The following IMMP2L variants were observed in gnomAD, a reference collection of about 807,000 sequenced individuals.
The protein encoded by IMMP2L is mitochondrial inner membrane protease subunit 2.
In IMMP2L, 18 loss-of-function variants were observed where a neutral mutation model predicts 19.3. The ratio of observed to expected loss-of-function variants is 0.93; its 90% CI spans 0.64 to 1.38. The LOEUF (loss-of-function observed/expected upper bound fraction) is 1.38, where lower values mean the gene tolerates loss of function less well. IMMP2L is among the 40% of genes most tolerant of loss of function. The pLI is 0.00. For synonymous variants in IMMP2L, 76 were observed against 73.0 expected, an observed-to-expected ratio of 1.04 and a Z score of -0.21; for missense variants, 233 against 218.2, an observed-to-expected ratio of 1.07 and a Z score of -0.43.
intron 5 of IMMP2L, among the ~76,000 whole-genome samples, chr7:110,788,688 G>A (rs988636779): frequency 9.2e-5 from 14 of 151,482 alleles, no homozygotes; most frequent in Admixed American, 2.6e-4. Flanking sequence ...TGCCAAAATC[G>A]AATTAATTTT....
Position 110,858,748 on chromosome 7 carries a change from C to T in IMMP2L, c.408+27845G>A, listed in dbSNP as rs998308444. On this transcript the variant is annotated intron_variant, in intron 5 of 5. Transcript: ENST00000405709. ...AGGTATATCTCCTAATGCTATCCCT[C>T]CCTCCTCCCCCGACCCCACAACAGT... Among the ~76,000 whole-genome samples, 109 of 151,870 alleles carry T rather than the reference C, an allele frequency of 7.2e-4. 1 individual carries two copies. The highest frequency in any genetic ancestry group is 2.6e-3 in the African/African-American group (107 of 41,426).
chr7:111,268,370 T>C (rs1818044163), intron 3 of IMMP2L, among the ~76,000 whole-genome samples: 2 of 151,248 alleles, frequency 1.3e-5, no homozygotes, highest in Non-Finnish European at 2.9e-5. Flanking sequence ...AAACTTCACC[T>C]AGCTCATGGT....
At chr7:111,274,777 C>T (rs1034993003) in intron 3 of IMMP2L, among the ~76,000 whole-genome samples, 8 of 152,200 alleles carry the variant, frequency 5.3e-5, no homozygotes, top group African/African-American at 1.9e-4. Context: ...TTTAAGCAAA[C>T]AGGCACATGT....
intron 4 of IMMP2L, among the ~76,000 whole-genome samples, chr7:110,946,782 G>A (rs188126825): frequency 1.9e-4 from 27 of 144,950 alleles, no homozygotes; most frequent in Non-Finnish European, 3.6e-4. Flanking sequence ...GTGCAGTGGC[G>A]CAATCTCGAC....
intron 3 of IMMP2L, among the ~76,000 whole-genome samples, chr7:111,235,444 C>G (rs1448543167): frequency 6.6e-6 from 1 of 151,362 alleles, no homozygotes; most frequent in East Asian, 1.9e-4. Flanking sequence ...GCATTCCAGC[C>G]TGGGTAACAA....
chr7:111,315,074 C>A (rs1426232945), intron 3 of IMMP2L, among the ~76,000 whole-genome samples: 1 of 152,118 alleles, frequency 6.6e-6, no homozygotes, highest in Non-Finnish European at 1.5e-5. Flanking sequence ...ATTCTCACTT[C>A]TTTTAAGGTG....
At chr7:111,468,874 AC>A (rs1840938658) in intron 3 of IMMP2L, among the ~76,000 whole-genome samples, 1 of 152,118 alleles carries the variant, frequency 6.6e-6, no homozygotes, top group Admixed American at 6.6e-5. Flanking sequence ...TTGACTTGTG[AC>A]TAAATATGAT....
At position 111,454,441 on chromosome 7, in the gene IMMP2L, C is replaced by T. The variant is rs146369542; in HGVS notation, c.239+32797G>A. ...AAATACATTTAATTTTCCATTTCTC[C>T]ATATTTAAGCGATTAACCCCATTAA... On this transcript the variant is annotated intron_variant, in intron 3 of 5. Transcript: ENST00000405709. Among the ~76,000 whole-genome samples, 426 of 151,982 alleles carry T rather than the reference C, an allele frequency of 2.8e-3. 3 individuals are homozygous for T. The highest frequency in any genetic ancestry group is 9.6e-3 in the African/African-American group (399 of 41,494).
rs572669307 is a variant in IMMP2L at position 111,212,830 on chromosome 7, T to C, written c.240-249265A>G. Reference sequence around the variant, plus strand: ...TTTGTGGATTCCATGGGGCTTCTGCTATTTATGTCTGCCCACTGCATTTCC... The same window carrying C: ...TTTGTGGATTCCATGGGGCTTCTGCCATTTATGTCTGCCCACTGCATTTCC... On this transcript the variant is annotated intron_variant, in intron 3 of 5. Coordinates refer to ENST00000405709, the MANE Select transcript of IMMP2L (RefSeq NM_032549.4). Among the ~76,000 whole-genome samples the C allele has an allele frequency of 4.0e-4, 61 of 152,312 alleles. No individual in the cohort carries two copies. In the South Asian group the frequency reaches 0.012, roughly 31 times the overall value.
intron 3 of IMMP2L, chr7:111,124,317 A>T: frequency 6.2e-7 from 1 of 1,613,806 alleles, no homozygotes; most frequent in East Asian, 2.2e-5. Context: ...AAGTGGATGG[A>T]TCTTTTCCAC....
At chr7:110,742,886 CTT>C (rs1797079083) in intron 5 of IMMP2L, among the ~76,000 whole-genome samples, 1 of 152,012 alleles carries the variant, frequency 6.6e-6, no homozygotes, top group Non-Finnish European at 1.5e-5. Context: ...CCTTACAAAC[CTT>C]TCTCTCCCCC....
At chr7:111,362,830 G>A (rs1415334548) in intron 3 of IMMP2L, among the ~76,000 whole-genome samples, 1 of 152,066 alleles carries the variant, frequency 6.6e-6, no homozygotes, top group Non-Finnish European at 1.5e-5. Context: ...ATCTGGGAGG[G>A]GCGAGAAGTC....
At chr7:110,731,489 T>C (rs1222460846) in intron 5 of IMMP2L, among the ~76,000 whole-genome samples, 1 of 152,170 alleles carries the variant, frequency 6.6e-6, no homozygotes, top group African/African-American at 2.4e-5. Flanking sequence ...CTGTTTGTCA[T>C]TGCAATAATG....
intron 3 of IMMP2L, among the ~76,000 whole-genome samples, chr7:111,332,655 ATAAC>A (rs1825993501): frequency 1.3e-5 from 2 of 152,018 alleles, no homozygotes; most frequent in Admixed American, 6.6e-5. Context: ...CACCTACAAT[ATAAC>A]TAATAAGGTA....
chr7:111,268,265 T>C (rs1028949278), intron 3 of IMMP2L, among the ~76,000 whole-genome samples: 6 of 151,946 alleles, frequency 3.9e-5, no homozygotes, highest in African/African-American at 1.5e-4. Context: ...ATCAATAACA[T>C]TGTGTGAAGT....
At chr7:111,389,647 A>C (rs1832140146) in intron 3 of IMMP2L, among the ~76,000 whole-genome samples, 2 of 152,130 alleles carry the variant, frequency 1.3e-5, no homozygotes, top group South Asian at 4.2e-4. Flanking sequence ...TTTAATATTG[A>C]AAATTTGAGT....
chr7:110,895,493 C>A (rs975995332), intron 4 of IMMP2L, among the ~76,000 whole-genome samples: 1 of 152,130 alleles, frequency 6.6e-6, no homozygotes, highest in African/African-American at 2.4e-5. Context: ...TTTCCAAACC[C>A]CTTTGGCTAT....
At chr7:111,320,205 T>C (rs2130474941) in intron 3 of IMMP2L, among the ~76,000 whole-genome samples, 1 of 152,170 alleles carries the variant, frequency 6.6e-6, no homozygotes, top group Middle Eastern at 3.4e-3. Flanking sequence ...CAGAAGCTAA[T>C]TCTATGAAAT....
chr7:111,017,105 G>C (rs185170218), intron 3 of IMMP2L, among the ~76,000 whole-genome samples: 1 of 147,658 alleles, frequency 6.8e-6, no homozygotes, highest in Non-Finnish European at 1.5e-5. Context: ...AAAGAGTCTC[G>C]CTCTGTTGCT....
Sources: gnomAD v4.1 joint callset for allele counts (sites outside exome capture counted in the v4.1 genomes callset) on GRCh38, gnomAD v4.1.1 for gene constraint, MANE v1.5 for transcripts, NCBI Gene and HGNC (gene_info 2026-07-23, HGNC 2026-07-21) for gene names.